PRDM12: variants seen among roughly 807,000 people sequenced by gnomAD.
PRDM12 encodes PR/SET domain 12.
Under a neutral mutation model 29.6 loss-of-function variants are expected in PRDM12, and 17 were observed. That is an observed-to-expected ratio of 0.57 (90% confidence interval 0.39 to 0.86). The LOEUF is 0.86. Ranked by LOEUF, PRDM12 falls within the 40% of genes least tolerant of loss-of-function variation. The pLI is 0.00. For missense variants in PRDM12, 422 were observed against 510.8 expected (o/e 0.83, Z 1.68); for synonymous variants, 231 against 225.8 (o/e 1.02, Z -0.21).
At chr9:130,680,139 C>G (rs1830880643) in intron 4 of PRDM12, among the ~76,000 whole-genome samples, 1 of 151,682 alleles carries the variant, frequency 6.6e-6, no homozygotes, top group South Asian at 2.1e-4. Context: ...GAGTTCCAGA[C>G]CAGCCTGGTC....
At position 130,681,660 on chromosome 9, in the gene PRDM12, G is replaced by A. The variant is rs2132608956; in HGVS notation, c.1095G>A (p.Met365Ile). Residue 365 changes from methionine (M) to isoleucine (I), a missense_variant, in exon 5 of 5, where the codon ATG (methionine) becomes ATA (isoleucine). By Grantham distance (10) the Met-to-Ile change is conservative (BLOSUM62 1). Coordinates refer to ENST00000253008, the MANE Select transcript of PRDM12 (RefSeq NM_021619.3). The surrounding 1 kb of genome is among the most constrained non-coding windows in gnomAD (Gnocchi z 8.1). ...AAAAAHHLPA[M>I]VL is the part of the protein sequence containing the mutation. Reference sequence around the variant, plus strand: ...CCGCCGCGCACCACCTGCCGGCCATGGTGCTGTGAGCGCGCCCGCGCCCCC... The same window carrying A: ...CCGCCGCGCACCACCTGCCGGCCATAGTGCTGTGAGCGCGCCCGCGCCCCC... The A allele has an allele frequency of 1.0e-6, 1 of 978,570 alleles. No individual in the cohort carries two copies. The highest frequency in any genetic ancestry group is 1.2e-6 in the Non-Finnish European group (1 of 826,728). The allele number at this position is 978,570 out of a possible 1,614,324, so 60.6% of individuals were successfully genotyped here.
At chr9:130,678,830 C>T (rs973173986) in intron 4 of PRDM12, among the ~76,000 whole-genome samples, 190 bp downstream of exon 4, 1 of 151,988 alleles carries the variant, frequency 6.6e-6, no homozygotes, top group Non-Finnish European at 1.5e-5. Context: ...CCGCATGGGC[C>T]GGGCATGGGT....
Position 130,668,913 on chromosome 9 carries a change from G to C in PRDM12, c.570+600G>C, listed in dbSNP as rs1202739273. 6.6e-6 allele frequency among the ~76,000 whole-genome samples: 1 copy of C among 152,182 alleles called. No homozygotes were observed. Among genetic ancestry groups the C allele is most frequent in the Admixed American group, 6.5e-5 (1 of 15,272 alleles). ...TTACAGTTTACTGACCAGAAAACCA[G>C]GTCTCCCTCGGTGGCAGCAGACTTG... On this transcript the variant is annotated intron_variant, in intron 3 of 4. Coordinates refer to ENST00000253008, the MANE Select transcript of PRDM12 (RefSeq NM_021619.3). The surrounding 1 kb of genome is among the most constrained non-coding windows in gnomAD (Gnocchi z 4.0).
In PRDM12 at chr9:130,668,313, G is replaced by GGTGT. The variant is rs138789124; in HGVS notation, c.570+14_570+17dup. ...CCAGCATCTTCTACAAGGCCATTGA[G>GGTGT]GTGTGTGTGTGTGTGTGCACTGTTG... On this transcript the variant is annotated frameshift_variant and splice_region_variant. Transcript: ENST00000253008. LOFTEE classifies it high-confidence loss of function. The surrounding 1 kb of genome is among the most constrained non-coding windows in gnomAD (Gnocchi z 4.0). The GGTGT allele has an allele frequency of 3.0e-4, 472 of 1,592,234 alleles. No homozygotes were observed. The highest frequency in any genetic ancestry group is 7.5e-4 in the African/African-American group (56 of 74,386).
rs530253254 is a variant in PRDM12, at chr9:130,668,436, G to A, written c.570+123G>A. ...GAGGGGAGCTGACACTGGCCTCGCT[G>A]GCTCTGCGCAGGCCATGGGGCTGTG... On this transcript the variant is annotated intron_variant, in intron 3 of 4. Coordinates refer to ENST00000253008, the MANE Select transcript of PRDM12 (RefSeq NM_021619.3). The surrounding 1 kb of genome is among the most constrained non-coding windows in gnomAD (Gnocchi z 4.0). 953 of 1,473,594 alleles carry A rather than the reference G, an allele frequency of 6.5e-4. No homozygotes were observed. Among genetic ancestry groups the A allele is most frequent in the Non-Finnish European group, 6.4e-4 (696 of 1,079,800 alleles). The allele number at this position is 1,473,594 out of a possible 1,614,324, so 91.3% of individuals were successfully genotyped here.
rs368277613 is a variant in PRDM12 at position 130,681,206 on chromosome 9, T to C, written c.683-42T>C. 359 of 1,404,168 alleles carry C rather than the reference T, an allele frequency of 2.6e-4. 1 individual carries two copies. Among genetic ancestry groups the C allele is most frequent in the Non-Finnish European group, 3.1e-4 (334 of 1,075,348 alleles). The allele number at this position is 1,404,168 out of a possible 1,614,324, so 87.0% of individuals were successfully genotyped here. ...TTCTAACGGGGCTGCTCTCTCCCCT[T>C]CTCCGTCTCCCTTCCCCCGCCCCGC... On this transcript the variant is annotated intron_variant, in intron 4 of 4. Transcript: ENST00000253008. The surrounding 1 kb of genome is among the most constrained non-coding windows in gnomAD (Gnocchi z 8.1).
intron 3 of PRDM12, among the ~76,000 whole-genome samples, chr9:130,678,296 A>G (rs770983991): frequency 6.6e-6 from 1 of 151,542 alleles, no homozygotes; most frequent in Non-Finnish European, 1.5e-5. Flanking sequence ...CTGTGGCTGG[A>G]GCTTGGACAG....
At chr9:130,675,271 G>A (rs1830831693) in intron 3 of PRDM12, among the ~76,000 whole-genome samples, 1 of 152,256 alleles carries the variant, frequency 6.6e-6, no homozygotes, top group South Asian at 2.1e-4. Flanking sequence ...CCCAGGCCTG[G>A]AGCCTGGAGG....
chr9:130,668,262 G>A lies in PRDM12; in HGVS notation c.519G>A (p.Gln173=). 1 of 1,614,202 alleles carries A rather than the reference G, an allele frequency of 6.2e-7. No individual in the cohort carries two copies. The highest frequency in any genetic ancestry group is 1.1e-5 in the South Asian group (1 of 91,078). ...YIKCARNEQE[Q]NLEVVQIGTS... Reference sequence around the variant, plus strand: ...AGTGTGCACGTAACGAACAGGAGCAGAACCTGGAGGTGGTCCAGATCGGCA... The same window carrying A: ...AGTGTGCACGTAACGAACAGGAGCAAAACCTGGAGGTGGTCCAGATCGGCA... Residue 173 remains glutamine (Q), a synonymous_variant, in exon 3 of 5, where the codon CAG becomes CAA. Transcript: ENST00000253008. The surrounding 1 kb of genome is among the most constrained non-coding windows in gnomAD (Gnocchi z 4.0).
At chr9:130,675,342 T>C (rs1311574705) in intron 3 of PRDM12, among the ~76,000 whole-genome samples, 1 of 151,876 alleles carries the variant, frequency 6.6e-6, no homozygotes, top group Non-Finnish European at 1.5e-5. Context: ...GCTGGAGGAG[T>C]TGGTTTCCCT....
rs747593078 is a variant in PRDM12, at chr9:130,666,601, G to A, written c.224-7G>A. On this transcript the variant is annotated splice_polypyrimidine_tract_variant and splice_region_variant and intron_variant, in intron 1 of 4. Coordinates refer to ENST00000253008, the MANE Select transcript of PRDM12 (RefSeq NM_021619.3). ...TCTGACCGGTTTTCCTGGCCCCGCC[G>A]CCGCAGAAGTGCAGAAGCTGTCCAG... 3.1e-6 allele frequency: 5 copies of A among 1,596,408 alleles called. No individual in the cohort carries two copies. The highest frequency in any genetic ancestry group is 3.4e-6 in the Non-Finnish European group (4 of 1,172,758).
In PRDM12 at chr9:130,664,920, G is replaced by A; in HGVS notation, c.223+44G>A. 6.8e-7 allele frequency: 1 copy of A among 1,480,702 alleles called. No individual in the cohort carries two copies. Among genetic ancestry groups the A allele is most frequent in the Non-Finnish European group, 9.0e-7 (1 of 1,107,684 alleles). The allele number at this position is 1,480,702 out of a possible 1,614,324, so 91.7% of individuals were successfully genotyped here. Reference sequence around the variant, plus strand: ...GCCCGGCGCAATCCCTCCTCCCGGCGACCCCCATTCCCGTCCTGGCGATGC... The same window carrying A: ...GCCCGGCGCAATCCCTCCTCCCGGCAACCCCCATTCCCGTCCTGGCGATGC... On this transcript the variant is annotated intron_variant, in intron 1 of 4. Transcript: ENST00000253008. The surrounding 1 kb of genome is among the most constrained non-coding windows in gnomAD (Gnocchi z 6.4).
chr9:130,675,086 G>C (rs991348674), intron 3 of PRDM12, among the ~76,000 whole-genome samples: 1 of 152,170 alleles, frequency 6.6e-6, no homozygotes, highest in Non-Finnish European at 1.5e-5. Flanking sequence ...CACCATGTTG[G>C]CCAGGCTGGT....
chr9:130,668,199 C>T lies in PRDM12; in HGVS notation c.456C>T (p.Ala152=). Residue 152 remains alanine (A), a synonymous_variant, in exon 3 of 5, where the codon GCC becomes GCT. Transcript: ENST00000253008. The surrounding 1 kb of genome is among the most constrained non-coding windows in gnomAD (Gnocchi z 4.0). The part of the protein sequence containing the change: ...EDGTVRYFID[A]SQEDHRSWMT... ...GCACGGTGCGCTACTTCATCGATGC[C>T]AGCCAGGAGGACCACCGGAGCTGGA... 1 of 1,614,104 alleles carries T rather than the reference C, an allele frequency of 6.2e-7. No homozygotes were observed. The highest frequency in any genetic ancestry group is 1.3e-5 in the African/African-American group (1 of 75,018).
In PRDM12 at chr9:130,682,898, ATAT is replaced by A. The variant is rs761752551; in HGVS notation, c.*1237_*1239del. ...AAAATGATATTTACAAAACTGTAAT[ATAT>A]TATTATTTGATTGTATATGTACAAC... On this transcript the variant is annotated 3_prime_UTR_variant, in exon 5 of 5. Coordinates refer to ENST00000253008, the MANE Select transcript of PRDM12 (RefSeq NM_021619.3). The surrounding 1 kb of genome is among the most constrained non-coding windows in gnomAD (Gnocchi z 4.2). The A allele has an allele frequency of 2.0e-5, 3 of 152,670 alleles. No individual in the cohort carries two copies. The highest frequency in any genetic ancestry group is 6.5e-5 in the Admixed American group (1 of 15,286). 9.5% of individuals were successfully genotyped at this position (152,670 alleles called of 1,614,324 possible). A position where few individuals can be genotyped will look rare whatever the true frequency, so the allele number is the denominator to read the frequency against.
chr9:130,672,436 G>C (rs987993460), intron 3 of PRDM12, among the ~76,000 whole-genome samples: 1 of 152,124 alleles, frequency 6.6e-6, no homozygotes, highest in Non-Finnish European at 1.5e-5. Flanking sequence ...CGATCTGCCC[G>C]CCTCGGCCTC....
intron 3 of PRDM12, among the ~76,000 whole-genome samples, chr9:130,669,674 G>A (rs1830769692): frequency 6.6e-6 from 1 of 150,810 alleles, no homozygotes; most frequent in Non-Finnish European, 1.5e-5. Flanking sequence ...AAATTAGCCG[G>A]GTGTGGTTGC....
At position 130,676,356 on chromosome 9, in the gene PRDM12, T is replaced by C. The variant is rs377272560; in HGVS notation, c.571-2173T>C. Among the ~76,000 whole-genome samples the C allele has an allele frequency of 2.3e-3, 352 of 151,828 alleles. 4 individuals carry two copies. Among genetic ancestry groups the C allele is most frequent in the African/African-American group, 5.2e-3 (217 of 41,384 alleles). On this transcript the variant is annotated intron_variant, in intron 3 of 4. Transcript: ENST00000253008. ...ATACAAAAAATTAGCCGGGCGTGGG[T>C]GTGGTGGCGGGCACCTGTAGTCCCA... is the stretch of plus-strand genomic sequence containing the variant.
Position 130,666,594 on chromosome 9 carries a change from C to A in PRDM12, c.224-14C>A, listed in dbSNP as rs754609249. The A allele has an allele frequency of 6.3e-7, 1 of 1,596,264 alleles. No homozygotes were observed. The highest frequency in any genetic ancestry group is 1.1e-5 in the South Asian group (1 of 88,642). ...CTCGGGCTCTGACCGGTTTTCCTGG[C>A]CCCGCCGCCGCAGAAGTGCAGAAGC... is the stretch of plus-strand genomic sequence containing the variant. On this transcript the variant is annotated splice_polypyrimidine_tract_variant and intron_variant, in intron 1 of 4. Transcript: ENST00000253008.
Sources: gnomAD v4.1 joint callset for allele counts (sites outside exome capture counted in the v4.1 genomes callset) on GRCh38, gnomAD v4.1.1 for gene constraint, Gnocchi (gnomAD v3.1) non-coding constraint, MANE v1.5 for transcripts, NCBI Gene and HGNC (gene_info 2026-07-23, HGNC 2026-07-21) for gene names.